SNX25: variants seen among roughly 807,000 people sequenced by gnomAD.
SNX25 encodes sorting nexin-25.
SNX25 carries 62 observed loss-of-function variants against 113.7 expected under a neutral mutation model. The ratio of observed to expected loss-of-function variants is 0.55; its 90% CI spans 0.44 to 0.67. The LOEUF (loss-of-function observed/expected upper bound fraction) is 0.67, where lower values mean the gene tolerates loss of function less well. SNX25 is among the 30% of genes least tolerant of loss of function. The pLI is 0.00. For missense variants in SNX25, 1,014 were observed against 1,161.0 expected (o/e 0.87, Z 1.84); for synonymous variants, 421 against 436.2 (o/e 0.97, Z 0.43).
intron 5 of SNX25, among the ~76,000 whole-genome samples, chr4:185,277,890 G>A (rs1749980960): frequency 1.1e-5 from 1 of 94,268 alleles, no homozygotes; most frequent in East Asian, 3.8e-4. Flanking sequence ...CCGCCACTAC[G>A]CCCGGCTAAT....
intron 13 of SNX25, among the ~76,000 whole-genome samples, chr4:185,349,408 A>C (rs1293187425): frequency 1.3e-5 from 2 of 152,174 alleles, no homozygotes; most frequent in Non-Finnish European, 2.9e-5. Flanking sequence ...TACTGATTTC[A>C]TTTCCTTTGG....
intron 3 of SNX25, among the ~76,000 whole-genome samples, chr4:185,261,124 G>C (rs914241846): frequency 1.4e-5 from 2 of 142,588 alleles, no homozygotes; most frequent in African/African-American, 5.2e-5. Flanking sequence ...CTGTGTGTGT[G>C]TGTGTGTGTG....
intron 9 of SNX25, among the ~76,000 whole-genome samples, chr4:185,326,345 T>C (rs1475208522): frequency 2.0e-5 from 3 of 152,142 alleles, no homozygotes; most frequent in African/African-American, 7.2e-5. Flanking sequence ...TATTCTGATG[T>C]CACAATCTCC....
intron 1 of SNX25, among the ~76,000 whole-genome samples, chr4:185,211,576 C>T (rs1446474819): frequency 6.6e-6 from 1 of 152,070 alleles, no homozygotes; most frequent in Non-Finnish European, 1.5e-5. Flanking sequence ...ATAATTCATT[C>T]GGTAAATATT....
Position 185,288,899 on chromosome 4 carries a change from C to A in SNX25, c.1162+817C>A, listed in dbSNP as rs28405769. ...CAGACATTCCACAAAAACCTCCAGGCCTGCTCAAGTCTCCGCCAAGGAGAG... is the reference window on the plus strand; with the variant it reads ...CAGACATTCCACAAAAACCTCCAGGACTGCTCAAGTCTCCGCCAAGGAGAG... On this transcript the variant is annotated intron_variant, in intron 6 of 18. Coordinates refer to ENST00000652585, the MANE Select transcript of SNX25 (RefSeq NM_001378034.2). Among the ~76,000 whole-genome samples, 1,035 of 152,288 alleles carry A rather than the reference C, an allele frequency of 6.8e-3. 17 individuals are homozygous for A. The highest frequency in any genetic ancestry group is 0.024 in the African/African-American group (998 of 41,534).
chr4:185,325,532 CAAAAAAAAAAA>C (rs34665853), intron 9 of SNX25, among the ~76,000 whole-genome samples: 1 of 111,666 alleles, frequency 9.0e-6, no homozygotes, highest in African/African-American at 3.9e-5. Context: ...GACTCCGTCT[CAAAAAAAAAAA>C]AAAAAAAAGA....
At chr4:185,349,077 C>T (rs774830047) in intron 13 of SNX25, among the ~76,000 whole-genome samples, 9 of 151,966 alleles carry the variant, frequency 5.9e-5, no homozygotes, top group South Asian at 2.1e-4. Flanking sequence ...TCATGTATAT[C>T]GGGGGGTTCG....
rs562286331 is a variant in SNX25, at chr4:185,280,397, G to A, written c.1092-7615G>A. Among the ~76,000 whole-genome samples the A allele has an allele frequency of 2.6e-5, 4 of 152,176 alleles. No homozygotes were observed. The East Asian group carries it at 7.7e-4, about 29-fold the overall frequency. On this transcript the variant is annotated intron_variant, in intron 5 of 18. Transcript: ENST00000652585. ...ATAAATTAATAAAAAACACTCTAAGGCAATATGTATAGCATAAACCCAGTT... is the reference window on the plus strand; with the variant it reads ...ATAAATTAATAAAAAACACTCTAAGACAATATGTATAGCATAAACCCAGTT...
intron 5 of SNX25, among the ~76,000 whole-genome samples, chr4:185,277,606 T>C (rs538943191): frequency 1.6e-4 from 25 of 151,816 alleles, no homozygotes; most frequent in African/African-American, 6.0e-4. Context: ...TTACAGTATA[T>C]AGAGTATTTC....
intron 2 of SNX25, among the ~76,000 whole-genome samples, chr4:185,250,264 C>T (rs1480947368): frequency 1.3e-5 from 2 of 152,240 alleles, no homozygotes; most frequent in Non-Finnish European, 2.9e-5. Context: ...GAAAGCCCAA[C>T]ACCGTTAGTG....
chr4:185,315,223 A>G (rs1257574807), intron 7 of SNX25, among the ~76,000 whole-genome samples: 1 of 130,088 alleles, frequency 7.7e-6, no homozygotes, highest in African/African-American at 2.7e-5. Context: ...GCAAGACTCC[A>G]TCTCAAAAAA....
At chr4:185,339,059 A>G (rs902691718) in intron 10 of SNX25, among the ~76,000 whole-genome samples, 1 of 152,168 alleles carries the variant, frequency 6.6e-6, no homozygotes, top group Admixed American at 6.5e-5. Context: ...TGCTTTTGGT[A>G]GTACTGACAG....
At chr4:185,297,371 GT>G (rs1474862293) in intron 6 of SNX25, among the ~76,000 whole-genome samples, 3 of 152,086 alleles carry the variant, frequency 2.0e-5, no homozygotes, top group African/African-American at 7.2e-5. Flanking sequence ...TCCCTTATCT[GT>G]ATGCTGAAGA....
the SNX25 span, among the ~76,000 whole-genome samples, chr4:185,376,255 T>C: frequency 6.6e-6 from 1 of 152,274 alleles, no homozygotes; most frequent in Middle Eastern, 3.4e-3. Flanking sequence ...TCAATTATTA[T>C]TAATATGAAG....
intron 15 of SNX25, among the ~76,000 whole-genome samples, chr4:185,354,184 A>T (rs988771529): frequency 1.3e-5 from 2 of 152,204 alleles, no homozygotes; most frequent in African/African-American, 4.8e-5. Flanking sequence ...AGAATCCTTC[A>T]CGTTGCTTTT....
the SNX25 span, among the ~76,000 whole-genome samples, chr4:185,375,985 G>A: frequency 2.6e-5 from 4 of 152,160 alleles, no homozygotes; most frequent in Non-Finnish European, 4.4e-5. Context: ...AAAAGTGAGA[G>A]AGTAAGTGGG....
intron 1 of SNX25, among the ~76,000 whole-genome samples, chr4:185,229,900 C>T (rs1316651625): frequency 6.6e-6 from 1 of 152,174 alleles, no homozygotes; most frequent in African/African-American, 2.4e-5. Context: ...GCAATCATGG[C>T]TCTCTGCAGC....
Position 185,323,773 on chromosome 4 carries a change from A to C in SNX25, c.1722A>C (p.Ser574=). The change falls in exon 9 of 19, where the codon TCA becomes TCC. Residue 574 remains serine (S), a synonymous_variant. Transcript: ENST00000652585. ...LLIKEEEKHA[S]QMISNKDEMG... ...TAAAAGAGGAAGAAAAACATGCCTC[A>C]CAGATGATTTCCAACAAGGATGAGA... The C allele has an allele frequency of 6.2e-7, 1 of 1,613,378 alleles. No individual in the cohort carries two copies. Among genetic ancestry groups the C allele is most frequent in the Non-Finnish European group, 8.5e-7 (1 of 1,179,790 alleles).
intron 1 of SNX25, among the ~76,000 whole-genome samples, chr4:185,239,333 A>AT (rs1361465980): frequency 1.3e-5 from 2 of 151,982 alleles, no homozygotes; most frequent in Non-Finnish European, 2.9e-5. Flanking sequence ...AATGCAAAAA[A>AT]TTAGCCGGGC....
Sources: allele counts gnomAD v4.1 joint callset (sites outside exome capture counted in the v4.1 genomes callset), GRCh38; gene constraint gnomAD v4.1.1; transcripts MANE v1.5; gene names NCBI Gene and HGNC (gene_info 2026-07-23, HGNC 2026-07-21).